Variants in PER2 observed in about 807,000 individuals in gnomAD.
The protein encoded by PER2 is period circadian regulator 2.
Under a neutral mutation model 121.0 loss-of-function variants are expected in PER2, and 66 were observed. The ratio of observed to expected loss-of-function variants is 0.55; its 90% CI spans 0.45 to 0.67. The LOEUF (loss-of-function observed/expected upper bound fraction) is 0.67. Ranked by LOEUF, PER2 falls within the 30% of genes least tolerant of loss-of-function variation. PER2 has a pLI of 0.00. For synonymous variants in PER2, 684 were observed against 659.9 expected (o/e 1.04, Z -0.56); for missense variants, 1,521 against 1,635.0 (o/e 0.93, Z 1.20).
At position 238,268,878 on chromosome 2, in the gene PER2, G is replaced by A. The variant is rs755298783; in HGVS notation, c.824+45C>T. ...AAGCGGAGCAGTGCTGGGGTGAAAT[G>A]TTTATACGGTTTTCTAATTTAAGAA... is the stretch of plus-strand genomic sequence containing the variant. On this transcript the variant is annotated intron_variant, in intron 7 of 22. Coordinates refer to ENST00000254657, the MANE Select transcript of PER2 (RefSeq NM_022817.3). This position sits in a 1 kb window ranked among gnomAD's most constrained non-coding sequence, Gnocchi z 4.0. The A allele has an allele frequency of 3.5e-6, 5 of 1,444,592 alleles. No homozygotes were observed. The highest frequency in any genetic ancestry group is 1.1e-5 in the South Asian group (1 of 87,642). 89.5% of individuals were successfully genotyped at this position (1,444,592 alleles called of 1,614,324 possible).
rs188659508 is a variant in PER2 at position 238,257,823 on chromosome 2, T to C, written c.1900+453A>G. On this transcript the variant is annotated intron_variant, in intron 16 of 22. Transcript: ENST00000254657. The stretch of plus-strand genomic sequence containing the variant: ...GTGAACATCAGCAACACTGACAGCG[T>C]TGTGTTAAGCAGCCTGGGATTTAAT... Among the ~76,000 whole-genome samples the C allele has an allele frequency of 3.3e-5, 5 of 152,342 alleles. No homozygotes were observed. The East Asian group carries it at 9.6e-4, about 29-fold the overall frequency.
upstream of PER2, among the ~76,000 whole-genome samples, chr2:238,292,762 G>C (rs1213032483): frequency 2.1e-5 from 3 of 144,998 alleles, no homozygotes; most frequent in South Asian, 2.1e-4. Flanking sequence ...TTTTAAGACA[G>C]AGTCTCACTC....
the PER2 span, among the ~76,000 whole-genome samples, chr2:238,297,837 T>C: frequency 6.6e-6 from 1 of 152,110 alleles, no homozygotes; most frequent in Admixed American, 6.5e-5. Context: ...TGGGCCAAAA[T>C]CCAAGGCATG....
At chr2:238,249,447 G>A (rs1171241207) in intron 21 of PER2, among the ~76,000 whole-genome samples, 1 of 152,210 alleles carries the variant, frequency 6.6e-6, no homozygotes, top group Non-Finnish European at 1.5e-5. Flanking sequence ...AGGCCTGGGA[G>A]CTGCGTATCT....
chr2:238,277,063 C>T (rs2106324377), intron 3 of PER2, 68 bp downstream of exon 3: 2 of 1,215,760 alleles, frequency 1.6e-6, no homozygotes, highest in South Asian at 2.4e-5. Context: ...TCCCAGAAAA[C>T]TAACCTCCAA....
chr2:238,264,195 G>C (rs967914172), intron 9 of PER2, among the ~76,000 whole-genome samples: 2 of 152,238 alleles, frequency 1.3e-5, no homozygotes, highest in African/African-American at 4.8e-5. Flanking sequence ...GTTGGCATGG[G>C]AGTGGGTTAG....
Position 238,266,053 on chromosome 2 carries a change from G to A in PER2, c.968-463C>T, listed in dbSNP as rs570226015. Among the ~76,000 whole-genome samples the A allele has an allele frequency of 4.6e-5, 7 of 152,008 alleles. No homozygotes were observed. The South Asian group carries it at 8.3e-4, about 18-fold the overall frequency. On this transcript the variant is annotated intron_variant, in intron 8 of 22. Transcript: ENST00000254657. The stretch of plus-strand genomic sequence containing the variant: ...CCAGTAGTTGGGACTACAGGCGTGT[G>A]CCACCACGCCCAGCTAATTTTTTGT...
intron 8 of PER2, 136 bp downstream of exon 8, chr2:238,267,920 C>T: frequency 1.1e-6 from 1 of 930,800 alleles, no homozygotes; most frequent in African/African-American, 1.6e-5. Flanking sequence ...GAGACCCTGC[C>T]CAAGGTGAGG....
chr2:238,246,329 C>G lies in PER2; in HGVS notation c.*46G>C. On this transcript the variant is annotated 3_prime_UTR_variant, in exon 23 of 23. Coordinates refer to ENST00000254657, the MANE Select transcript of PER2 (RefSeq NM_022817.3). ...GAAGATCTTTCATCTCTTCCAAGCA[C>G]CACCTGGTGTACCTCGCTGGCTGCC... 6.8e-7 allele frequency: 1 copy of G among 1,475,188 alleles called. No individual in the cohort carries two copies. The highest frequency in any genetic ancestry group is 9.2e-7 in the Non-Finnish European group (1 of 1,085,476). The allele number at this position is 1,475,188 out of a possible 1,614,324, so 91.4% of individuals were successfully genotyped here.
intron 1 of PER2, among the ~76,000 whole-genome samples, chr2:238,282,995 G>T (rs891117354): frequency 1.3e-5 from 2 of 152,248 alleles, no homozygotes. Context: ...GGCTGGCACT[G>T]GGCATCTCTG....
At position 238,278,078 on chromosome 2, in the gene PER2, TTCTC is replaced by T. The variant is rs201418703; in HGVS notation, c.-19-127_-19-124del. The stretch of plus-strand genomic sequence containing the variant: ...AATGAAACTGCAGTCTCTTTCTTTC[TTCTC>T]TCTGTCTCTCTCTCTCTCTCTTTCT... On this transcript the variant is annotated intron_variant, in intron 1 of 22. Coordinates refer to ENST00000254657, the MANE Select transcript of PER2 (RefSeq NM_022817.3). The T allele has an allele frequency of 2.3e-3, 2,157 of 935,082 alleles. 64 individuals carry two copies. The East Asian group carries it at 0.054, about 23-fold the overall frequency. The allele number at this position is 935,082 out of a possible 1,614,324, so 57.9% of individuals were successfully genotyped here.
At chr2:238,250,782 A>G (rs372005983) in intron 20 of PER2, 39 bp from the exon 21 acceptor site, 10 of 1,412,694 alleles carry the variant, frequency 7.1e-6, no homozygotes, top group Non-Finnish European at 1.0e-5. Context: ...AAACATTGAC[A>G]TATGAAATTA....
rs543960418 is a variant in PER2 at position 238,258,352 on chromosome 2, C to T, written c.1824G>A (p.Glu608=). Residue 608 remains glutamate, a synonymous_variant, in exon 16 of 23, where the codon GAG becomes GAA. Transcript: ENST00000254657. ...TTAGCGCTGGGACGTTTGCTGGGAA[C>T]TCGCATTTCCTCTTCAGGGTGGCAG... ...NEAATLKRKC[E]FPANVPALRS... is the part of the protein sequence containing the mutation. The T allele has an allele frequency of 5.6e-6, 9 of 1,614,206 alleles. No individual in the cohort carries two copies. The African/African-American group carries it at 1.2e-4, about 22-fold the overall frequency.
rs752312902 is a variant in PER2 at position 238,250,539 on chromosome 2, C to T, written c.3467+12G>A. 2 of 1,605,190 alleles carry T rather than the reference C, an allele frequency of 1.2e-6. No homozygotes were observed. The highest frequency in any genetic ancestry group is 1.7e-6 in the Non-Finnish European group (2 of 1,174,794). ...CCCTCCCCAGGTGCCTAGGAAAACGCTGGGTGGTTACCGGGAAGGCAGCTG... is the reference window on the plus strand; with the variant it reads ...CCCTCCCCAGGTGCCTAGGAAAACGTTGGGTGGTTACCGGGAAGGCAGCTG... On this transcript the variant is annotated intron_variant, in intron 21 of 22. Transcript: ENST00000254657.
At chr2:238,282,273 G>C (rs1696651947) in intron 1 of PER2, among the ~76,000 whole-genome samples, 1 of 152,022 alleles carries the variant, frequency 6.6e-6, no homozygotes, top group Admixed American at 6.5e-5. Context: ...GCAGATGCCT[G>C]GGCAGCCTGC....
intron 20 of PER2, 44 bp from the exon 21 acceptor site, chr2:238,250,787 A>G (rs1253603936): frequency 7.3e-7 from 1 of 1,365,264 alleles, no homozygotes; most frequent in South Asian, 1.2e-5. Context: ...TTGACATATG[A>G]AATTAAACCT....
chr2:238,284,358 C>G (rs529549723), intron 1 of PER2, among the ~76,000 whole-genome samples: 9 of 151,032 alleles, frequency 6.0e-5, no homozygotes, highest in African/African-American at 1.5e-4. Context: ...AGGAGAATTG[C>G]TTGAACCCAG....
chr2:238,253,561 G>T lies in PER2; in HGVS notation c.2462C>A (p.Pro821His). 6.2e-7 allele frequency: 1 copy of T among 1,610,864 alleles called. No individual in the cohort carries two copies. Among genetic ancestry groups the T allele is most frequent in the Non-Finnish European group, 8.5e-7 (1 of 1,178,768 alleles). ...TGSGGPVSAR[P>H]PLVGLNATAW... ...TGTGGCGTTCAAGCCCACCAGCGGGGGCCGGGCGGACACGGGCCCCCCAGA... is the reference window on the plus strand; with the variant it reads ...TGTGGCGTTCAAGCCCACCAGCGGGTGCCGGGCGGACACGGGCCCCCCAGA... Residue 821 changes from proline to histidine, a missense_variant, in exon 19 of 23, where the codon CCC becomes CAC. Pro to His is a moderately conservative substitution (Grantham distance 77). Transcript: ENST00000254657. The surrounding 1 kb of genome is among the most constrained non-coding windows in gnomAD (Gnocchi z 5.6).
chr2:238,261,190 A>G (rs977069167), intron 12 of PER2, among the ~76,000 whole-genome samples: 13 of 152,210 alleles, frequency 8.5e-5, no homozygotes, highest in African/African-American at 2.9e-4. Context: ...CACCAAAGGA[A>G]TGTGTCCAAC....
Sources: gnomAD v4.1 joint callset for allele counts (sites outside exome capture counted in the v4.1 genomes callset) on GRCh38, gnomAD v4.1.1 for gene constraint, Gnocchi (gnomAD v3.1) non-coding constraint, MANE v1.5 for transcripts, NCBI Gene and HGNC (gene_info 2026-07-23, HGNC 2026-07-21) for gene names.